The following BASP1 variants were observed in gnomAD, a reference collection of about 807,000 sequenced individuals.
BASP1 encodes brain abundant membrane attached signal protein 1.
A neutral mutation model predicts 2.2 loss-of-function variants in BASP1; 1 was observed. The ratio of observed to expected loss-of-function variants is 0.46; its 90% CI spans 0.16 to 2.17. The LOEUF is 2.17. Ranked by LOEUF, BASP1 falls within the 30% of genes most tolerant of loss-of-function variation. The pLI, the probability that BASP1 is intolerant of heterozygous loss-of-function variation, is 0.27. For missense variants in BASP1, 352 were observed against 327.2 expected, an observed-to-expected ratio of 1.08 and a Z score of -0.58; for synonymous variants, 187 against 154.2, an observed-to-expected ratio of 1.21 and a Z score of -1.58.
chr5:17,225,333 C>T (rs1215312227), intron 1 of BASP1, among the ~76,000 whole-genome samples: 2 of 151,858 alleles, frequency 1.3e-5, no homozygotes, highest in South Asian at 4.2e-4. Context: ...GAGACCTCTT[C>T]GGCCTTTTAA....
In BASP1 at chr5:17,218,211, C is replaced by T. The variant is rs1433419649; in HGVS notation, c.-10+401C>T. ...GGGCTGAAGGGAGCGCTTCCGTCATCGGAGCCCTTACCAGCCTGGGAGAAA... is the reference window on the plus strand; with the variant it reads ...GGGCTGAAGGGAGCGCTTCCGTCATTGGAGCCCTTACCAGCCTGGGAGAAA... On this transcript the variant is annotated intron_variant, in intron 1 of 1. Transcript: ENST00000322611. Among the ~76,000 whole-genome samples, 3 of 136,970 alleles carry T rather than the reference C, an allele frequency of 2.2e-5. No homozygotes were observed. The Admixed American group carries it at 2.4e-4, about 11-fold the overall frequency. The allele number at this position is 136,970 out of a possible 152,430, so 89.9% of individuals were successfully genotyped here. A position where few individuals can be genotyped will look rare whatever the true frequency, so the allele number is the denominator to read the frequency against.
intron 1 of BASP1, among the ~76,000 whole-genome samples, chr5:17,247,621 A>G (rs571380514): frequency 1.3e-5 from 2 of 152,342 alleles, no homozygotes; most frequent in East Asian, 3.9e-4. Flanking sequence ...CTGGGGGTCA[A>G]CTTTGATGTG....
intron 1 of BASP1, among the ~76,000 whole-genome samples, chr5:17,254,253 A>C (rs772838281): frequency 1.3e-5 from 2 of 152,206 alleles, no homozygotes; most frequent in Admixed American, 6.5e-5. Flanking sequence ...AATTGAAAAA[A>C]CAAATATCTG....
intron 1 of BASP1, among the ~76,000 whole-genome samples, chr5:17,262,630 A>G (rs1348280196): frequency 6.6e-6 from 1 of 152,164 alleles, no homozygotes; most frequent in African/African-American, 2.4e-5. Context: ...CTCAGACTCT[A>G]CCTTCTCTAT....
chr5:17,241,984 C>A (rs1267434906), intron 1 of BASP1, among the ~76,000 whole-genome samples: 3 of 152,122 alleles, frequency 2.0e-5, no homozygotes, highest in African/African-American at 7.2e-5. Flanking sequence ...CTACAAAATG[C>A]GAGTGTCCCA....
In BASP1 at chr5:17,241,097, C is replaced by A. The variant is rs80345555; in HGVS notation, c.-10+23287C>A. 2.5e-3 allele frequency among the ~76,000 whole-genome samples: 376 copies of A among 150,248 alleles called. 8 individuals carry two copies. In the East Asian group the frequency reaches 0.053, roughly 21 times the overall value. ...TAAGCTTTACACAGATTGACATTTT[C>A]CTTTTTTTTTTTTTTTTCTTGAGGC... On this transcript the variant is annotated intron_variant, in intron 1 of 1. Coordinates refer to ENST00000322611, the MANE Select transcript of BASP1 (RefSeq NM_006317.5).
chr5:17,229,994 A>C (rs1209328149), intron 1 of BASP1, among the ~76,000 whole-genome samples: 2 of 152,098 alleles, frequency 1.3e-5, no homozygotes, highest in South Asian at 4.1e-4. Context: ...CATCTTGGCC[A>C]GGCTGGTCTT....
At chr5:17,242,451 C>G (rs1489551594) in intron 1 of BASP1, among the ~76,000 whole-genome samples, 1 of 152,028 alleles carries the variant, frequency 6.6e-6, no homozygotes, top group Non-Finnish European at 1.5e-5. Flanking sequence ...CATCCCCCAG[C>G]AGAATACGTC....
intron 1 of BASP1, among the ~76,000 whole-genome samples, chr5:17,270,258 C>G (rs913884985): frequency 6.6e-6 from 1 of 152,160 alleles, no homozygotes; most frequent in Non-Finnish European, 1.5e-5. Flanking sequence ...CCTCGGCCTC[C>G]CAAAGTGCTA....
intron 1 of BASP1, among the ~76,000 whole-genome samples, chr5:17,221,632 T>C (rs1739396316): frequency 6.6e-6 from 1 of 152,178 alleles, no homozygotes; most frequent in Non-Finnish European, 1.5e-5. Flanking sequence ...AAAATGGGCA[T>C]GGAATCTTTA....
At chr5:17,243,691 G>A (rs1443339973) in intron 1 of BASP1, among the ~76,000 whole-genome samples, 2 of 152,100 alleles carry the variant, frequency 1.3e-5, no homozygotes, top group Admixed American at 6.5e-5. Context: ...TTTTTGGATT[G>A]TGTCTCACCA....
At chr5:17,261,753 C>T (rs976807148) in intron 1 of BASP1, among the ~76,000 whole-genome samples, 3 of 152,198 alleles carry the variant, frequency 2.0e-5, no homozygotes, top group Admixed American at 6.5e-5. Flanking sequence ...TCCTTTGTCT[C>T]ATCCTATCTT....
chr5:17,238,701 TC>T (rs1739797405), intron 1 of BASP1, among the ~76,000 whole-genome samples: 1 of 152,216 alleles, frequency 6.6e-6, no homozygotes, highest in South Asian at 2.1e-4. Flanking sequence ...CACGAATGGT[TC>T]ATGCTTTCTG....
chr5:17,273,813 T>C (rs976170739), intron 1 of BASP1, among the ~76,000 whole-genome samples: 1 of 152,194 alleles, frequency 6.6e-6, no homozygotes, highest in African/African-American at 2.4e-5. Flanking sequence ...AGGGCAAGGC[T>C]GATGCTCTCT....
At chr5:17,272,459 T>C (rs889197903) in intron 1 of BASP1, among the ~76,000 whole-genome samples, 4 of 151,590 alleles carry the variant, frequency 2.6e-5, no homozygotes, top group African/African-American at 4.9e-5. Flanking sequence ...AGAATGTGAA[T>C]GGCATACTAC....
intron 1 of BASP1, among the ~76,000 whole-genome samples, chr5:17,255,307 T>G (rs866719884): frequency 6.6e-6 from 1 of 152,194 alleles, no homozygotes; most frequent in Non-Finnish European, 1.5e-5. Context: ...CTCCTTCCCT[T>G]TGGTTCAATT....
At chr5:17,272,712 T>C (rs1176687444) in intron 1 of BASP1, among the ~76,000 whole-genome samples, 1 of 152,192 alleles carries the variant, frequency 6.6e-6, no homozygotes, top group Non-Finnish European at 1.5e-5. Flanking sequence ...TAACTTTGTT[T>C]GAAAAACAAA....
rs1302644351 is a variant in BASP1 at position 17,276,597 on chromosome 5, G to A, written c.*697G>A. 4 of 156,776 alleles carry A rather than the reference G, an allele frequency of 2.6e-5. No individual in the cohort carries two copies. Among genetic ancestry groups the A allele is most frequent in the Non-Finnish European group, 6.0e-5 (4 of 66,764 alleles). The allele number at this position is 156,776 out of a possible 1,614,324, so 9.7% of individuals were successfully genotyped here. On this transcript the variant is annotated 3_prime_UTR_variant, in exon 2 of 2. Transcript: ENST00000322611. ...CGAGTTAATGCATGTCCGTGGTTGGGTGCACCTGTAGTTCTGTTTATTGGT... is the reference window on the plus strand; with the variant it reads ...CGAGTTAATGCATGTCCGTGGTTGGATGCACCTGTAGTTCTGTTTATTGGT...
intron 1 of BASP1, among the ~76,000 whole-genome samples, chr5:17,263,127 G>A (rs1044125856): frequency 2.6e-5 from 4 of 152,212 alleles, no homozygotes; most frequent in South Asian, 2.1e-4. Context: ...GATTACAGGC[G>A]TGAGCCACTG....
Sources: allele counts gnomAD v4.1 joint callset (sites outside exome capture counted in the v4.1 genomes callset), GRCh38; gene constraint gnomAD v4.1.1; transcripts MANE v1.5; gene names NCBI Gene and HGNC (gene_info 2026-07-23, HGNC 2026-07-21).